Variants in NAALADL2 observed in about 807,000 individuals in gnomAD.
NAALADL2 encodes inactive N-acetylated-alpha-linked acidic dipeptidase-like protein 2.
Under a neutral mutation model 87.2 loss-of-function variants are expected in NAALADL2, and 76 were observed. The ratio of observed to expected loss-of-function variants is 0.87; its 90% CI spans 0.72 to 1.05. The LOEUF (loss-of-function observed/expected upper bound fraction) is 1.05, where lower values mean the gene tolerates loss of function less well. Among genes scored for constraint, NAALADL2 ranks in the 50% least tolerant of loss-of-function variants. The pLI is 0.00. For missense variants in NAALADL2, 1,089 were observed against 945.8 expected (o/e 1.15, Z -1.99); for synonymous variants, 354 against 331.0 (o/e 1.07, Z -0.75).
chr3:174,597,777 T>C (rs184935017), intron 2 of NAALADL2, among the ~76,000 whole-genome samples: 245 of 152,310 alleles, frequency 1.6e-3, no homozygotes, highest in African/African-American at 4.2e-3. Context: ...ATTTTTAATG[T>C]GAGCTATTCA....
At chr3:174,688,096 A>G (rs1210637713) in intron 2 of NAALADL2, among the ~76,000 whole-genome samples, 4 of 152,204 alleles carry the variant, frequency 2.6e-5, no homozygotes, top group Non-Finnish European at 5.9e-5. Context: ...GATGTGTTTA[A>G]TAATTTGTAA....
At chr3:174,695,237 G>A (rs775712862) in intron 2 of NAALADL2, among the ~76,000 whole-genome samples, 6 of 151,926 alleles carry the variant, frequency 3.9e-5, no homozygotes, top group Non-Finnish European at 7.4e-5. Flanking sequence ...TGTGTCGAGA[G>A]TCTATGTTAG....
At chr3:175,465,165 T>C (rs1723787220) in intron 7 of NAALADL2, among the ~76,000 whole-genome samples, 1 of 149,004 alleles carries the variant, frequency 6.7e-6, no homozygotes, top group Non-Finnish European at 1.5e-5. Context: ...GGCAGGAGAA[T>C]GGCGTGAACC....
chr3:175,155,886 T>G lies in NAALADL2; in HGVS notation c.545+58595T>G, dbSNP rs550527522. Among the ~76,000 whole-genome samples the G allele has an allele frequency of 5.3e-5, 8 of 152,134 alleles. No homozygotes were observed. The East Asian group carries it at 1.4e-3, about 26-fold the overall frequency. ...ACGTAACGGTAATGTCCATCCAAGT[T>G]TGAGAACCACTTGTACAAGAGATGC... On this transcript the variant is annotated intron_variant, in intron 2 of 13. Coordinates refer to ENST00000454872, the MANE Select transcript of NAALADL2 (RefSeq NM_207015.3).
At chr3:175,493,188 T>A (rs756237914) in intron 9 of NAALADL2, among the ~76,000 whole-genome samples, 1 of 152,126 alleles carries the variant, frequency 6.6e-6, no homozygotes, top group Admixed American at 6.6e-5. Context: ...GTTTTCTTCT[T>A]ATTTCACACT....
chr3:175,592,997 T>C (rs950810861), intron 10 of NAALADL2, among the ~76,000 whole-genome samples: 10 of 152,132 alleles, frequency 6.6e-5, no homozygotes, highest in Non-Finnish European at 1.5e-4. Flanking sequence ...AATTCTTTTT[T>C]AAAAAAATTA....
chr3:174,913,049 C>CA (rs1221099417), intron 1 of NAALADL2, among the ~76,000 whole-genome samples: 1 of 152,136 alleles, frequency 6.6e-6, no homozygotes, highest in East Asian at 1.9e-4. Context: ...GACAGTACCT[C>CA]AAAATTGCCT....
At chr3:175,560,823 T>C (rs192323800) in intron 9 of NAALADL2, among the ~76,000 whole-genome samples, 14 of 152,298 alleles carry the variant, frequency 9.2e-5, no homozygotes, top group African/African-American at 3.1e-4. Flanking sequence ...GCTTTCACCA[T>C]GTTGGCCAGG....
At chr3:175,170,272 T>C (rs1704313201) in intron 2 of NAALADL2, among the ~76,000 whole-genome samples, 1 of 151,454 alleles carries the variant, frequency 6.6e-6, no homozygotes, top group African/African-American at 2.4e-5. Context: ...AAATTGATGA[T>C]TTGCAGAAGG....
At chr3:174,821,246 A>G (rs190894917) in intron 3 of NAALADL2, among the ~76,000 whole-genome samples, 120 of 152,318 alleles carry the variant, frequency 7.9e-4, no homozygotes, top group Admixed American at 1.6e-3. Context: ...CTATTACATT[A>G]GGAAATATAT....
intron 1 of NAALADL2, among the ~76,000 whole-genome samples, chr3:174,904,077 A>G (rs899103991): frequency 4.0e-5 from 6 of 151,746 alleles, no homozygotes; most frequent in African/African-American, 1.5e-4. Context: ...AGAGATATAT[A>G]GTTATATAGA....
intron 4 of NAALADL2, among the ~76,000 whole-genome samples, chr3:175,273,480 T>C (rs369364765): frequency 5.8e-4 from 89 of 152,274 alleles, no homozygotes; most frequent in Middle Eastern, 3.4e-3. Context: ...CCTTCCATGT[T>C]AGTATCTTCC....
chr3:175,619,318 A>T (rs1213955142), intron 10 of NAALADL2, among the ~76,000 whole-genome samples: 1 of 152,040 alleles, frequency 6.6e-6, no homozygotes, highest in Non-Finnish European at 1.5e-5. Context: ...AAAAAGTAAG[A>T]AAGAAAGAAA....
chr3:175,319,332 G>A (rs1759545916), intron 4 of NAALADL2, among the ~76,000 whole-genome samples: 1 of 150,808 alleles, frequency 6.6e-6, no homozygotes, highest in South Asian at 2.1e-4. Context: ...AATAATACAT[G>A]CTGTTCATTA....
rs941915612 is a variant in NAALADL2, at chr3:175,410,886, T to C, written c.1091-36343T>C. ...CAGACGCCCTCTTTTTTGCAAAGAG[T>C]AAAGGAGAGCAGGATGTAAGATAGA... On this transcript the variant is annotated intron_variant, in intron 5 of 13. Transcript: ENST00000454872. 2.0e-5 allele frequency among the ~76,000 whole-genome samples: 3 copies of C among 151,666 alleles called. No individual in the cohort carries two copies. The South Asian group carries it at 6.2e-4, about 32-fold the overall frequency.
At chr3:175,454,237 A>G (rs1194106404) in intron 6 of NAALADL2, among the ~76,000 whole-genome samples, 1 of 151,942 alleles carries the variant, frequency 6.6e-6, no homozygotes, top group African/African-American at 2.4e-5. Flanking sequence ...TGAATCACAT[A>G]TTGTTTTCCT....
chr3:175,341,986 G>A (rs1380352689), intron 5 of NAALADL2, among the ~76,000 whole-genome samples: 3 of 152,044 alleles, frequency 2.0e-5, no homozygotes, highest in African/African-American at 4.8e-5. Context: ...AAGCATAGAT[G>A]TATGGGTTAA....
rs528275091 is a variant in NAALADL2, at chr3:175,630,130, T to C, written c.1896+2744T>C. 9.7e-4 allele frequency among the ~76,000 whole-genome samples: 147 copies of C among 151,798 alleles called. 1 individual carries two copies. The highest frequency in any genetic ancestry group is 3.2e-3 in the African/African-American group (132 of 41,492). On this transcript the variant is annotated intron_variant, in intron 11 of 13. Coordinates refer to ENST00000454872, the MANE Select transcript of NAALADL2 (RefSeq NM_207015.3). ...TGGAAGCATTGATCAAGGAATGAAA[T>C]TGTGCTTTACAAGATCAGTCTTATT...
At chr3:174,863,416 C>T (rs974035179) in intron 1 of NAALADL2, among the ~76,000 whole-genome samples, 1 of 151,962 alleles carries the variant, frequency 6.6e-6, no homozygotes. Flanking sequence ...TGGGTTTTCT[C>T]TTTACTAAAC....
Sources: allele counts gnomAD v4.1 joint callset (sites outside exome capture counted in the v4.1 genomes callset), GRCh38; gene constraint gnomAD v4.1.1; transcripts MANE v1.5; gene names NCBI Gene and HGNC (gene_info 2026-07-23, HGNC 2026-07-21).